The following SYT1 variants were observed in gnomAD, a reference collection of about 807,000 sequenced individuals.
SYT1 encodes synaptotagmin 1, also known as synaptotagmin-1.
A neutral mutation model predicts 44.8 loss-of-function variants in SYT1; 8 were observed. The observed-to-expected ratio is 0.18, with a 90% CI of 0.10 to 0.32. The LOEUF (loss-of-function observed/expected upper bound fraction) is 0.32, where lower values mean the gene tolerates loss of function less well. SYT1 is among the 10% of genes least tolerant of loss of function. SYT1 has a pLI of 1.00. For synonymous variants in SYT1, 154 were observed against 188.8 expected, an observed-to-expected ratio of 0.82 and a Z score of 1.51; for missense variants, 286 against 509.3, an observed-to-expected ratio of 0.56 and a Z score of 4.22.
intron 8 of SYT1, among the ~76,000 whole-genome samples, chr12:79,322,581 A>C (rs1245076144): frequency 6.6e-6 from 1 of 152,136 alleles, no homozygotes; most frequent in Non-Finnish European, 1.5e-5. Context: ...GTGCTATGGA[A>C]GCCATTGGAA....
intron 1 of SYT1, among the ~76,000 whole-genome samples, chr12:78,934,522 G>C (rs779028615): frequency 7.2e-5 from 11 of 152,148 alleles, no homozygotes; most frequent in Middle Eastern, 3.4e-3. Flanking sequence ...GGATAATAGA[G>C]CAAGACTCTG....
chr12:79,366,892 TACTGTGTG>T (rs1883565209), intron 9 of SYT1, among the ~76,000 whole-genome samples: 1 of 119,032 alleles, frequency 8.4e-6, no homozygotes, highest in Non-Finnish European at 1.9e-5. Flanking sequence ...ATATAAATAA[TACTGTGTG>T]TGTGTGTGTG....
At chr12:79,041,182 G>C (rs967378141) in intron 2 of SYT1, among the ~76,000 whole-genome samples, 3 of 151,328 alleles carry the variant, frequency 2.0e-5, no homozygotes, top group Non-Finnish European at 3.0e-5. Context: ...TAGCTTGATG[G>C]GGATGGCATT....
chr12:79,300,024 G>A (rs1341414982), intron 8 of SYT1, among the ~76,000 whole-genome samples: 2 of 152,008 alleles, frequency 1.3e-5, no homozygotes, highest in East Asian at 1.9e-4. Flanking sequence ...CTAAAGATAC[G>A]AGAGCATGAT....
At chr12:79,147,968 C>T (rs1280874172) in intron 3 of SYT1, among the ~76,000 whole-genome samples, 9 of 151,930 alleles carry the variant, frequency 5.9e-5, no homozygotes, top group Admixed American at 3.3e-4. Context: ...TAATCCACAA[C>T]AGGTAGTAAT....
intron 1 of SYT1, among the ~76,000 whole-genome samples, chr12:78,958,275 C>G (rs1879317944): frequency 6.6e-6 from 1 of 152,134 alleles, no homozygotes; most frequent in Non-Finnish European, 1.5e-5. Context: ...ATTTATTTCA[C>G]AAATCCAAAC....
At chr12:79,426,376 T>G (rs1279691230) in intron 9 of SYT1, among the ~76,000 whole-genome samples, 1 of 152,082 alleles carries the variant, frequency 6.6e-6, no homozygotes, top group Admixed American at 6.6e-5. Context: ...CTAACCTTAT[T>G]CATACCACAG....
chr12:79,075,070 A>G (rs1876549944), intron 3 of SYT1, among the ~76,000 whole-genome samples: 1 of 152,196 alleles, frequency 6.6e-6, no homozygotes, highest in African/African-American at 2.4e-5. Flanking sequence ...CACTTCCAGA[A>G]CCAGGGATTA....
chr12:79,170,694 T>G (rs1871462792), intron 3 of SYT1, among the ~76,000 whole-genome samples: 1 of 152,140 alleles, frequency 6.6e-6, no homozygotes, highest in Non-Finnish European at 1.5e-5. Flanking sequence ...GCAGAAGCTC[T>G]TTAGTTTAAT....
chr12:79,260,829 T>C (rs1877792509), intron 4 of SYT1, among the ~76,000 whole-genome samples: 1 of 151,906 alleles, frequency 6.6e-6, no homozygotes, highest in Non-Finnish European at 1.5e-5. Flanking sequence ...TAGACTTGGG[T>C]CTCAAGCCAT....
intron 8 of SYT1, among the ~76,000 whole-genome samples, chr12:79,340,485 G>T (rs1164943292): frequency 6.6e-6 from 1 of 152,014 alleles, no homozygotes; most frequent in Non-Finnish European, 1.5e-5. Context: ...TGTTATTGGT[G>T]TATAAGAATG....
At chr12:79,210,222 C>T (rs1432476716) in intron 3 of SYT1, among the ~76,000 whole-genome samples, 1 of 152,030 alleles carries the variant, frequency 6.6e-6, no homozygotes, top group Admixed American at 6.6e-5. Flanking sequence ...TTTTATACCA[C>T]AAAACTATAA....
chr12:79,176,672 A>G (rs1206472752), intron 3 of SYT1, among the ~76,000 whole-genome samples: 1 of 152,086 alleles, frequency 6.6e-6, no homozygotes, highest in South Asian at 2.1e-4. Context: ...TTACAAAAAA[A>G]GTTGAAATAG....
At chr12:79,349,033 A>AAGAG (rs1367804411) in intron 8 of SYT1, among the ~76,000 whole-genome samples, 45 of 120,274 alleles carry the variant, frequency 3.7e-4, no homozygotes, top group African/African-American at 1.4e-3. Flanking sequence ...GAAAGAAAGA[A>AAGAG]AAAGAAAGAA....
chr12:79,175,794 G>A (rs144719599), intron 3 of SYT1, among the ~76,000 whole-genome samples: 1 of 152,070 alleles, frequency 6.6e-6, no homozygotes, highest in Admixed American at 6.5e-5. Context: ...CTATCAGTAG[G>A]CATAAACATA....
chr12:79,220,705 T>A (rs1486461388), intron 4 of SYT1, among the ~76,000 whole-genome samples: 3 of 152,126 alleles, frequency 2.0e-5, no homozygotes, highest in Non-Finnish European at 2.9e-5. Flanking sequence ...TTCAAGAGTA[T>A]GTTGTTTAAT....
chr12:78,955,843 T>TAGAG (rs144591118), intron 1 of SYT1, among the ~76,000 whole-genome samples: 4 of 144,776 alleles, frequency 2.8e-5, no homozygotes, highest in African/African-American at 1.0e-4. Flanking sequence ...TGTGTGCATG[T>TAGAG]AGAGAGAGAG....
At chr12:79,180,885 G>C (rs1872497760) in intron 3 of SYT1, among the ~76,000 whole-genome samples, 1 of 151,944 alleles carries the variant, frequency 6.6e-6, no homozygotes, top group Non-Finnish European at 1.5e-5. Context: ...TTCATGGGAG[G>C]GACCCAGTGG....
intron 2 of SYT1, among the ~76,000 whole-genome samples, chr12:79,011,722 C>T (rs1219664851): frequency 6.7e-6 from 1 of 148,834 alleles, no homozygotes; most frequent in African/African-American, 2.5e-5. Flanking sequence ...ATTAAAATTT[C>T]TGGGAGTAGA....
Sources: allele counts gnomAD v4.1 joint callset (sites outside exome capture counted in the v4.1 genomes callset), GRCh38; gene constraint gnomAD v4.1.1; transcripts MANE v1.5; gene names NCBI Gene and HGNC (gene_info 2026-07-23, HGNC 2026-07-21).